BANF2: variants seen among roughly 807,000 people sequenced by gnomAD.
BANF2 encodes BANF family member 2.
Under a neutral mutation model 8.0 loss-of-function variants are expected in BANF2, and 4 were observed. The ratio of observed to expected loss-of-function variants is 0.50; its 90% CI spans 0.25 to 1.14. The LOEUF is 1.14. Among genes scored for constraint, BANF2 ranks in the 50% most tolerant of loss-of-function variants. The pLI is 0.16. For missense variants in BANF2, 96 were observed against 107.5 expected, an observed-to-expected ratio of 0.89 and a Z score of 0.47; for synonymous variants, 50 against 40.6, an observed-to-expected ratio of 1.23 and a Z score of -0.88.
At chr20:17,705,612 T>C (rs770601602) in intron 1 of BANF2, among the ~76,000 whole-genome samples, 11 of 152,198 alleles carry the variant, frequency 7.2e-5, no homozygotes, top group Non-Finnish European at 1.2e-4. Context: ...AAGCCGTAAA[T>C]AGGCTGGTGT....
rs1212053323 is a variant in BANF2, at chr20:17,735,782, C to T, written c.244C>T (p.Leu82Phe). 1 of 1,613,794 alleles carries T rather than the reference C, an allele frequency of 6.2e-7. No individual in the cohort carries two copies. Among genetic ancestry groups the T allele is most frequent in the East Asian group, 2.2e-5 (1 of 44,882 alleles). The change falls in exon 4 of 4, where the codon CTC becomes TTC. Residue 82 changes from leucine (L) to phenylalanine (F), a missense_variant. Leu to Phe is a conservative substitution (Grantham distance 22). Coordinates refer to ENST00000246090, the MANE Select transcript of BANF2 (RefSeq NM_178477.5). ...ECEAQQTSHC[L>F]KEWCACFL ...TGAGGCCCAGCAGACTTCTCACTGCCTCAAGGAGTGGTGTGCCTGCTTCCT... is the reference window on the plus strand; with the variant it reads ...TGAGGCCCAGCAGACTTCTCACTGCTTCAAGGAGTGGTGTGCCTGCTTCCT...
intron 1 of BANF2, among the ~76,000 whole-genome samples, chr20:17,720,315 A>G (rs1338188259): frequency 6.6e-6 from 1 of 152,262 alleles, no homozygotes. Context: ...TCACAACAGC[A>G]TAAGGTGGGA....
chr20:17,712,677 CCCTT>C, intron 1 of BANF2: 1 of 423,294 alleles, frequency 2.4e-6, no homozygotes, highest in Non-Finnish European at 3.2e-6. Context: ...GGTAGATTCT[CCCTT>C]CCTGTCTTCT....
chr20:17,708,069 CA>C (rs2037512580), intron 1 of BANF2, among the ~76,000 whole-genome samples: 1 of 141,032 alleles, frequency 7.1e-6, no homozygotes, highest in Non-Finnish European at 1.5e-5. Context: ...AAAAAAAAAC[CA>C]AAAAGAATTA....
At chr20:17,699,485 C>T (rs1487981565), upstream of BANF2, among the ~76,000 whole-genome samples, 1 of 152,152 alleles carries the variant, frequency 6.6e-6, no homozygotes, top group Non-Finnish European at 1.5e-5. Context: ...ACTTCTCTTT[C>T]CTTGAGTCCC....
At chr20:17,718,621 C>T (rs903393539) in intron 1 of BANF2, among the ~76,000 whole-genome samples, 5 of 152,104 alleles carry the variant, frequency 3.3e-5, no homozygotes, top group African/African-American at 4.8e-5. Context: ...GAGCAGTTCC[C>T]CATCCTCACC....
At chr20:17,703,215 G>A (rs2037435119) in intron 1 of BANF2, among the ~76,000 whole-genome samples, 1 of 152,146 alleles carries the variant, frequency 6.6e-6, no homozygotes, top group Non-Finnish European at 1.5e-5. Context: ...ACCTAATTGT[G>A]TCCCCAGCCC....
rs747253096 is a variant in BANF2, at chr20:17,725,182, C to T, written c.126+31C>T. 5 of 1,593,468 alleles carry T rather than the reference C, an allele frequency of 3.1e-6. No homozygotes were observed. The South Asian group carries it at 5.5e-5, about 18-fold the overall frequency. On this transcript the variant is annotated intron_variant, in intron 3 of 3. Coordinates refer to ENST00000246090, the MANE Select transcript of BANF2 (RefSeq NM_178477.5). The stretch of plus-strand genomic sequence containing the variant: ...TCATATTTTCTTACTTCTCTGACTT[C>T]TCTTCCCTACCTTTCTTCCCCCAGT...
At chr20:17,731,003 G>A (rs1381314390) in intron 3 of BANF2, among the ~76,000 whole-genome samples, 3 of 152,230 alleles carry the variant, frequency 2.0e-5, no homozygotes, top group Non-Finnish European at 2.9e-5. Context: ...TAAGCCGGGC[G>A]TGGTAGCTCC....
chr20:17,724,513 C>G (rs1321885325), intron 2 of BANF2, among the ~76,000 whole-genome samples: 1 of 152,212 alleles, frequency 6.6e-6, no homozygotes, highest in Non-Finnish European at 1.5e-5. Context: ...CGCTGCGACC[C>G]ATTCCCACCT....
At chr20:17,711,937 C>T (rs975644151) in intron 1 of BANF2, among the ~76,000 whole-genome samples, 5 of 152,184 alleles carry the variant, frequency 3.3e-5, no homozygotes, top group African/African-American at 7.2e-5. Flanking sequence ...TTGGGAGGTG[C>T]GGTCTCCTTA....
At chr20:17,701,641 G>A (rs1208577835) in intron 1 of BANF2, among the ~76,000 whole-genome samples, 1 of 152,190 alleles carries the variant, frequency 6.6e-6, no homozygotes, top group East Asian at 1.9e-4. Flanking sequence ...AGGTTTCTGG[G>A]TGTTAGTACT....
intron 1 of BANF2, among the ~76,000 whole-genome samples, chr20:17,694,742 C>T (rs2122554083): frequency 6.6e-6 from 1 of 150,384 alleles, no homozygotes; most frequent in East Asian, 2.0e-4. Context: ...CCTTAGACTC[C>T]CAAGTAGCTA....
chr20:17,718,519 A>G (rs541167768), intron 1 of BANF2, among the ~76,000 whole-genome samples: 2 of 152,184 alleles, frequency 1.3e-5, no homozygotes, highest in Non-Finnish European at 2.9e-5. Flanking sequence ...CTTCCAGCCA[A>G]TGGTGGAAGA....
At chr20:17,718,935 G>A (rs2037691680) in intron 1 of BANF2, among the ~76,000 whole-genome samples, 1 of 152,184 alleles carries the variant, frequency 6.6e-6, no homozygotes, top group African/African-American at 2.4e-5. Flanking sequence ...ACTTTTACAG[G>A]ACAGGATTAT....
intron 1 of BANF2, among the ~76,000 whole-genome samples, chr20:17,712,007 G>C (rs963127574): frequency 1.2e-4 from 18 of 152,222 alleles, no homozygotes. Context: ...GGTGGGTGTG[G>C]AGACAGGTGC....
chr20:17,710,224 C>A (rs75114339), intron 1 of BANF2, among the ~76,000 whole-genome samples: 13,783 of 152,242 alleles, frequency 0.091, 694 homozygotes, highest in Non-Finnish European at 0.11. Context: ...AAACCATGAG[C>A]CCTGGGGGGG....
rs2037783620 is a variant in BANF2 at position 17,725,015 on chromosome 20, T to A, written c.-3-8T>A. 1.2e-6 allele frequency: 2 copies of A among 1,604,800 alleles called. No homozygotes were observed. The highest frequency in any genetic ancestry group is 2.7e-5 in the African/African-American group (2 of 74,786). ...GCTAATCCTCCTCTCTCCCCACTGC[T>A]GTCGCAGGAGATGGACAACATGTCT... On this transcript the variant is annotated splice_region_variant and splice_polypyrimidine_tract_variant and intron_variant, in intron 2 of 3. Transcript: ENST00000246090.
chr20:17,702,822 G>T (rs1204280866), intron 1 of BANF2, among the ~76,000 whole-genome samples: 1 of 152,176 alleles, frequency 6.6e-6, no homozygotes, highest in Non-Finnish European at 1.5e-5. Context: ...GGAATATTCT[G>T]TCTCTGTGTT....
Sources: allele counts gnomAD v4.1 joint callset (sites outside exome capture counted in the v4.1 genomes callset), GRCh38; gene constraint gnomAD v4.1.1; transcripts MANE v1.5; gene names NCBI Gene and HGNC (gene_info 2026-07-23, HGNC 2026-07-21).